Variants in LRRC37A2 observed in about 807,000 individuals in gnomAD.
The protein encoded by LRRC37A2 is leucine rich repeat containing 37 member A2.
LRRC37A2 carries 9 observed loss-of-function variants against 68.8 expected under a neutral mutation model. That is an observed-to-expected ratio of 0.13 (90% CI 0.08 to 0.23). LRRC37A2 has a LOEUF of 0.23. Among genes scored for constraint, LRRC37A2 ranks in the 10% least tolerant of loss-of-function variants. The pLI is 1.00. For missense variants in LRRC37A2, 168 were observed against 950.4 expected (o/e 0.18, Z 10.82); for synonymous variants, 63 against 367.6 (o/e 0.17, Z 9.48).
At chr17:46,742,050 GCC>G in the LRRC37A2 span, among the ~76,000 whole-genome samples, 1 of 152,154 alleles carries the variant, frequency 6.6e-6, no homozygotes, top group Non-Finnish European at 1.5e-5. Context: ...CACTGCACTG[GCC>G]AATAGTACTT....
intron 8 of LRRC37A2, among the ~76,000 whole-genome samples, chr17:46,545,307 T>G (rs1395083211): frequency 6.9e-6 from 1 of 145,256 alleles, no homozygotes; most frequent in Admixed American, 6.7e-5. Flanking sequence ...AAAAATTAGC[T>G]GGGCATGGTG....
At chr17:46,767,530 C>T in the LRRC37A2 span, among the ~76,000 whole-genome samples, 1 of 152,140 alleles carries the variant, frequency 6.6e-6, no homozygotes, top group African/African-American at 2.4e-5. Flanking sequence ...TAAACTGCCC[C>T]CTGCCCTTCA....
chr17:46,936,912 A>G, the LRRC37A2 span: 7 of 636,902 alleles, frequency 1.1e-5, no homozygotes, highest in Non-Finnish European at 1.4e-5. Flanking sequence ...ATGATGCCTA[A>G]TGTTGATCTC....
the LRRC37A2 span, among the ~76,000 whole-genome samples, chr17:46,711,537 G>A: frequency 6.6e-6 from 1 of 152,202 alleles, no homozygotes; most frequent in South Asian, 2.1e-4. Context: ...CGGTGTATGT[G>A]TGTAAAGGTG....
intron 8 of LRRC37A2, among the ~76,000 whole-genome samples, chr17:46,543,733 C>T (rs1598477903): frequency 6.6e-6 from 1 of 150,920 alleles, no homozygotes; most frequent in African/African-American, 2.5e-5. Context: ...GAAAGTTATA[C>T]AGGTGTTCAT....
At chr17:46,388,323 C>T in the LRRC37A2 span, among the ~76,000 whole-genome samples, 2 of 28,940 alleles carry the variant, frequency 6.9e-5, no homozygotes, top group Admixed American at 6.9e-4. Flanking sequence ...CTGAGGTGGG[C>T]GGATCACCTG....
At chr17:47,031,005 C>T in the LRRC37A2 span, among the ~76,000 whole-genome samples, 3 of 151,724 alleles carry the variant, frequency 2.0e-5, no homozygotes, top group Non-Finnish European at 4.4e-5. Context: ...TTTTTGTAGT[C>T]ATAATTTTTT....
At chr17:46,739,571 C>CA in the LRRC37A2 span, among the ~76,000 whole-genome samples, 2 of 151,712 alleles carry the variant, frequency 1.3e-5, no homozygotes, top group Admixed American at 6.6e-5. Flanking sequence ...AACTGGGCTG[C>CA]AGTGAGAGCT....
chr17:46,602,736 T>C, the LRRC37A2 span, among the ~76,000 whole-genome samples: 1 of 147,140 alleles, frequency 6.8e-6, no homozygotes, highest in African/African-American at 2.6e-5. Flanking sequence ...TGTGTCAAAT[T>C]TTTAAATTTA....
At chr17:46,768,518 C>T in the LRRC37A2 span, 7 of 1,614,164 alleles carry the variant, frequency 4.3e-6, no homozygotes, top group East Asian at 2.2e-5. The surrounding 1 kb of genome is among the most constrained non-coding windows in gnomAD (Gnocchi z 5.0). Flanking sequence ...CAAAGGAACC[C>T]GTCTCTGGGT....
In LRRC37A2 at chr17:46,544,755, AAATT is replaced by A. The variant is rs1274390726; in HGVS notation, c.3054-1496_3054-1493del. ...AGTGCCCCCAATAAGCCACAACAATAAATTAATCAATTGTCTCGGTCACCTCTTT... is the reference window on the plus strand; with the variant it reads ...AGTGCCCCCAATAAGCCACAACAATAAATCAATTGTCTCGGTCACCTCTTT... On this transcript the variant is annotated intron_variant, in intron 8 of 14. Coordinates refer to ENST00000576629, the Ensembl canonical transcript of LRRC37A2. 3.1e-5 allele frequency among the ~76,000 whole-genome samples: 3 copies of A among 95,662 alleles called. No homozygotes were observed. The East Asian group carries it at 1.3e-3, about 42-fold the overall frequency. 62.8% of individuals were successfully genotyped at this position (95,662 alleles called of 152,430 possible). A position where few individuals can be genotyped will look rare whatever the true frequency, so the allele number is the denominator to read the frequency against.
At chr17:46,601,848 A>G in the LRRC37A2 span, among the ~76,000 whole-genome samples, 1 of 151,044 alleles carries the variant, frequency 6.6e-6, no homozygotes, top group African/African-American at 2.5e-5. Context: ...TTCCGTATGA[A>G]TTCTGGGAAC....
At chr17:46,750,710 G>T in the LRRC37A2 span, among the ~76,000 whole-genome samples, 10 of 152,084 alleles carry the variant, frequency 6.6e-5, no homozygotes, top group Non-Finnish European at 1.2e-4. Context: ...AGATTACTTG[G>T]ACCAGAAACT....
the LRRC37A2 span, chr17:46,875,491 A>G: frequency 6.1e-6 from 8 of 1,307,178 alleles, no homozygotes; most frequent in African/African-American, 1.0e-4. Context: ...TCATAAAGGC[A>G]GGATGAACTT....
chr17:46,823,292 G>A, the LRRC37A2 span, among the ~76,000 whole-genome samples: 4 of 148,312 alleles, frequency 2.7e-5, no homozygotes, highest in Non-Finnish European at 5.9e-5. Flanking sequence ...TCGACTCACT[G>A]CAACCTCTGC....
At chr17:46,851,685 C>A in the LRRC37A2 span, 5 of 1,308,696 alleles carry the variant, frequency 3.8e-6, no homozygotes, top group Non-Finnish European at 4.8e-6. The surrounding 1 kb of genome is among the most constrained non-coding windows in gnomAD (Gnocchi z 4.3). Flanking sequence ...TGCCTGCTGG[C>A]GCTGCCCGCC....
the LRRC37A2 span, among the ~76,000 whole-genome samples, chr17:46,806,100 A>G: frequency 1.3e-5 from 2 of 151,886 alleles, no homozygotes; most frequent in Non-Finnish European, 2.9e-5. Flanking sequence ...TAAGCGAGGA[A>G]TTACTAGCTG....
chr17:46,911,865 A>C, the LRRC37A2 span, among the ~76,000 whole-genome samples: 1 of 152,244 alleles, frequency 6.6e-6, no homozygotes, highest in Non-Finnish European at 1.5e-5. Flanking sequence ...CCTGGGTGAC[A>C]GAATGAGACT....
the LRRC37A2 span, among the ~76,000 whole-genome samples, chr17:46,771,151 C>A: frequency 0.63 from 96,258 of 152,192 alleles, 32,820 homozygotes; most frequent in South Asian, 0.82. Context: ...CGCCCTCCTG[C>A]GCCACCTACA....
Sources: gnomAD v4.1 joint callset for allele counts (sites outside exome capture counted in the v4.1 genomes callset) on GRCh38, gnomAD v4.1.1 for gene constraint, Gnocchi (gnomAD v3.1) non-coding constraint, MANE v1.5 for transcripts, NCBI Gene and HGNC (gene_info 2026-07-23, HGNC 2026-07-21) for gene names.